Variants in AFDN observed in about 807,000 individuals in gnomAD.
AFDN encodes afadin.
A neutral mutation model predicts 216.6 loss-of-function variants in AFDN; 68 were observed. The ratio of observed to expected loss-of-function variants is 0.31; its 90% CI spans 0.26 to 0.38. AFDN has a LOEUF of 0.38. Among genes scored for constraint, AFDN ranks in the 10% least tolerant of loss-of-function variants. The pLI, the probability that AFDN is intolerant of heterozygous loss-of-function variation, is 1.00. For synonymous variants in AFDN, 868 were observed against 853.7 expected, an observed-to-expected ratio of 1.02 and a Z score of -0.29; for missense variants, 2,136 against 2,342.0, an observed-to-expected ratio of 0.91 and a Z score of 1.82.
intron 30 of AFDN, among the ~76,000 whole-genome samples, chr6:167,961,633 C>T (rs1035739605): frequency 6.6e-6 from 1 of 152,040 alleles, no homozygotes; most frequent in Non-Finnish European, 1.5e-5. Flanking sequence ...ACTGGAATGA[C>T]CAAAAAGAGA....
chr6:167,847,793 T>A (rs1446081323), intron 1 of AFDN, among the ~76,000 whole-genome samples: 1 of 152,220 alleles, frequency 6.6e-6, no homozygotes, highest in East Asian at 1.9e-4. Context: ...CCTTACAGTC[T>A]GTTTCCTACA....
At chr6:167,884,871 A>G (rs959265159) in intron 6 of AFDN, among the ~76,000 whole-genome samples, 8 of 152,180 alleles carry the variant, frequency 5.3e-5, no homozygotes, top group Non-Finnish European at 8.8e-5. Context: ...CTCTAGCTAG[A>G]GAGTCCTAGA....
chr6:167,833,175 G>A (rs1436294281), intron 1 of AFDN, among the ~76,000 whole-genome samples: 2 of 152,074 alleles, frequency 1.3e-5, no homozygotes, highest in South Asian at 2.1e-4. Context: ...CTTCCTCTTC[G>A]GTAGGGTGGA....
chr6:167,968,912 G>C, intron 32 of AFDN: 1 of 543,292 alleles, frequency 1.8e-6, no homozygotes, highest in Non-Finnish European at 3.3e-6. Context: ...AGCACCTTTT[G>C]AGAGTAGTAA....
At chr6:167,893,739 CGT>C (rs899237719) in intron 8 of AFDN, 121 bp from the exon 9 acceptor site, 15 of 733,622 alleles carry the variant, frequency 2.0e-5, no homozygotes, top group Non-Finnish European at 3.2e-5. Flanking sequence ...TCCTTTGAAA[CGT>C]GTCTCACTGA....
rs1466122109 is a variant in AFDN at position 167,875,316 on chromosome 6, G to T, written c.579-19G>T. The stretch of plus-strand genomic sequence containing the variant: ...GAAAACAGTGTTTAAAATATTTTTG[G>T]TATTTTTTTTTCTTACAGTGAAAAT... On this transcript the variant is annotated intron_variant, in intron 4 of 33. Coordinates refer to ENST00000683244, the MANE Select transcript of AFDN (RefSeq NM_001386888.1). The T allele has an allele frequency of 1.9e-6, 3 of 1,592,946 alleles. No individual in the cohort carries two copies. Among genetic ancestry groups the T allele is most frequent in the East Asian group, 4.5e-5 (2 of 44,734 alleles).
intron 1 of AFDN, among the ~76,000 whole-genome samples, chr6:167,855,133 T>G (rs1192160064): frequency 1.3e-5 from 2 of 152,126 alleles, no homozygotes; most frequent in Admixed American, 1.3e-4. Flanking sequence ...AAATTGAGTT[T>G]AGTTGACACA....
At chr6:167,885,825 G>A (rs1196180266) in intron 6 of AFDN, among the ~76,000 whole-genome samples, 1 of 152,188 alleles carries the variant, frequency 6.6e-6, no homozygotes, top group South Asian at 2.1e-4. Context: ...AAGCAACAAG[G>A]TATGCCTGTA....
intron 1 of AFDN, among the ~76,000 whole-genome samples, chr6:167,854,147 C>G (rs967256383): frequency 3.3e-5 from 5 of 151,808 alleles, no homozygotes; most frequent in African/African-American, 9.7e-5. Context: ...TGAAAAATGG[C>G]ATTTTACTAT....
chr6:167,853,992 G>A (rs138242432), intron 1 of AFDN, among the ~76,000 whole-genome samples: 5,206 of 152,002 alleles, frequency 0.034, 123 homozygotes, highest in African/African-American at 0.054. Context: ...AGATCCACAA[G>A]AGAATTGCTG....
chr6:167,914,508 C>CTA, intron 17 of AFDN, 136 bp from the exon 18 acceptor site: 2 of 893,910 alleles, frequency 2.2e-6, no homozygotes, highest in Non-Finnish European at 3.3e-6. Flanking sequence ...ATTCAGTGAG[C>CTA]TATGTTTCAA....
At chr6:167,943,790 A>G (rs1794966374) in intron 25 of AFDN, 151 bp from the exon 26 acceptor site, 1 of 666,270 alleles carries the variant, frequency 1.5e-6, no homozygotes, top group Non-Finnish European at 2.5e-6. Context: ...GAAAATGGGT[A>G]GTGAGTAAGC....
intron 30 of AFDN, among the ~76,000 whole-genome samples, chr6:167,961,803 T>TA (rs1193174729): frequency 6.6e-5 from 10 of 151,522 alleles, no homozygotes; most frequent in African/African-American, 2.4e-4. Flanking sequence ...TGGTGCAGAG[T>TA]GTAGGGTAGT....
rs892593365 is a variant in AFDN, at chr6:167,894,022, C to A, written c.1222+116C>A. 5 of 776,622 alleles carry A rather than the reference C, an allele frequency of 6.4e-6. No individual in the cohort carries two copies. In the African/African-American group the frequency reaches 8.7e-5, roughly 13 times the overall value. The allele number at this position is 776,622 out of a possible 1,614,324, so 48.1% of individuals were successfully genotyped here. ...TCAGTTTTTTAGTTGATATAAATAA[C>A]CTATTTTAAGAAATTTAATGTACTG... is the stretch of plus-strand genomic sequence containing the variant. On this transcript the variant is annotated intron_variant, in intron 9 of 33. Transcript: ENST00000683244.
At chr6:167,928,742 T>G (rs2128539849) in intron 23 of AFDN, among the ~76,000 whole-genome samples, 1 of 152,308 alleles carries the variant, frequency 6.6e-6, no homozygotes, top group Non-Finnish European at 1.5e-5. Flanking sequence ...TTGCTTCTTG[T>G]TTTTAGATCC....
At chr6:167,880,072 G>A (rs1448110321) in intron 5 of AFDN, among the ~76,000 whole-genome samples, 1 of 152,010 alleles carries the variant, frequency 6.6e-6, no homozygotes, top group South Asian at 2.1e-4. Flanking sequence ...CTATAGATAC[G>A]GAAATCAATT....
intron 1 of AFDN, among the ~76,000 whole-genome samples, chr6:167,828,326 G>A (rs1315449332): frequency 4.6e-5 from 7 of 152,174 alleles, no homozygotes; most frequent in Admixed American, 3.3e-4. Flanking sequence ...TCCACTTTAT[G>A]TTTTTGAGAG....
chr6:167,957,004 CG>C (rs1309874738), intron 30 of AFDN, among the ~76,000 whole-genome samples: 1 of 152,224 alleles, frequency 6.6e-6, no homozygotes, highest in Non-Finnish European at 1.5e-5. Flanking sequence ...TAAGTTTGCT[CG>C]GGTCTCATCT....
intron 6 of AFDN, 52 bp downstream of exon 6, chr6:167,880,569 A>G (rs1215767929): frequency 1.3e-6 from 2 of 1,552,482 alleles, no homozygotes; most frequent in Non-Finnish European, 1.8e-6. Context: ...TTTAAATGGT[A>G]GATTTTCTTT....
Sources: allele counts gnomAD v4.1 joint callset (sites outside exome capture counted in the v4.1 genomes callset), GRCh38; gene constraint gnomAD v4.1.1; transcripts MANE v1.5; gene names NCBI Gene and HGNC (gene_info 2026-07-23, HGNC 2026-07-21).